ECD: variants seen among roughly 807,000 people sequenced by gnomAD.
ECD encodes ecdysoneless cell cycle regulator, also known as protein ecdysoneless homolog.
In ECD, 59 loss-of-function variants were observed where a neutral mutation model predicts 77.2. The ratio of observed to expected loss-of-function variants is 0.76; its 90% CI spans 0.62 to 0.95. The LOEUF (loss-of-function observed/expected upper bound fraction) is 0.95, where lower values mean the gene tolerates loss of function less well. Among genes scored for constraint, ECD ranks in the 40% least tolerant of loss-of-function variants. ECD has a pLI of 0.00. For missense variants in ECD, 704 were observed against 763.4 expected (o/e 0.92, Z 0.92); for synonymous variants, 233 against 267.4 (o/e 0.87, Z 1.26).
Position 73,134,455 on chromosome 10 carries a change from TG to T in ECD, c.*127del. ...CCAAGAGGGCCACATTTGGGGCTCA[TG>T]GAGAAGTCAATCTGTAAAACTTGTA... On this transcript the variant is annotated 3_prime_UTR_variant, in exon 14 of 14. Coordinates refer to ENST00000372979, the MANE Select transcript of ECD (RefSeq NM_007265.3). 1.1e-6 allele frequency: 1 copy of T among 901,798 alleles called. No homozygotes were observed. Among genetic ancestry groups the T allele is most frequent in the Non-Finnish European group, 1.7e-6 (1 of 602,440 alleles). 55.9% of individuals were successfully genotyped at this position (901,798 alleles called of 1,614,324 possible). A position where few individuals can be genotyped will look rare whatever the true frequency, so the allele number is the denominator to read the frequency against.
chr10:73,139,298 A>T lies in ECD; in HGVS notation c.1421+11T>A. The T allele has an allele frequency of 3.1e-6, 5 of 1,596,572 alleles. No homozygotes were observed. Among genetic ancestry groups the T allele is most frequent in the Non-Finnish European group, 4.3e-6 (5 of 1,175,138 alleles). On this transcript the variant is annotated intron_variant, in intron 11 of 13. Coordinates refer to ENST00000372979, the MANE Select transcript of ECD (RefSeq NM_007265.3). ...TAGCTATTTATATATTTATACTTTAACACAAATTACCGAGGCAGCTCTGCT... is the reference window on the plus strand; with the variant it reads ...TAGCTATTTATATATTTATACTTTATCACAAATTACCGAGGCAGCTCTGCT...
At chr10:73,153,505 G>C (rs1406400576) in intron 6 of ECD, among the ~76,000 whole-genome samples, 1 of 151,686 alleles carries the variant, frequency 6.6e-6, no homozygotes, top group Admixed American at 6.6e-5. Context: ...GGGAGGCTGA[G>C]GTGGGTGAAT....
Position 73,148,539 on chromosome 10 carries a change from C to T in ECD, c.913-135G>A, listed in dbSNP as rs960272733. 4 of 899,134 alleles carry T rather than the reference C, an allele frequency of 4.4e-6. No homozygotes were observed. In the African/African-American group the frequency reaches 5.1e-5, roughly 12 times the overall value. 55.7% of individuals were successfully genotyped at this position (899,134 alleles called of 1,614,324 possible). On this transcript the variant is annotated intron_variant, in intron 7 of 13. Coordinates refer to ENST00000372979, the MANE Select transcript of ECD (RefSeq NM_007265.3). ...TACATGGGCATTTGGACAATTATAA[C>T]ACTTTTTGAATTTTATGAAAAATAT...
chr10:73,140,717 A>C (rs963888644), intron 9 of ECD, among the ~76,000 whole-genome samples: 2 of 135,216 alleles, frequency 1.5e-5, no homozygotes, highest in African/African-American at 5.5e-5. Flanking sequence ...GGAGGATAGA[A>C]GCTCAGAGAT....
intron 12 of ECD, 64 bp downstream of exon 12, chr10:73,137,939 G>T: frequency 7.8e-7 from 1 of 1,280,436 alleles, no homozygotes; most frequent in Non-Finnish European, 1.1e-6. Context: ...ATAAACCAAT[G>T]CTCTAGCAAC....
intron 1 of ECD, 45 bp from the exon 2 acceptor site, chr10:73,163,995 A>C: frequency 6.5e-7 from 1 of 1,531,558 alleles, no homozygotes. Context: ...AACAATGCAG[A>C]AGTAACATCT....
At chr10:73,147,300 C>G (rs1843143248) in intron 8 of ECD, among the ~76,000 whole-genome samples, 1 of 152,068 alleles carries the variant, frequency 6.6e-6, no homozygotes, top group Non-Finnish European at 1.5e-5. Flanking sequence ...GTAATCCCAG[C>G]ACTTTGGGAG....
intron 1 of ECD, among the ~76,000 whole-genome samples, chr10:73,165,801 T>TAA (rs60180525): frequency 6.6e-6 from 1 of 151,880 alleles, no homozygotes; most frequent in African/African-American, 2.4e-5. Flanking sequence ...TTATTTTTAT[T>TAA]AAAAAAATTT....
chr10:73,163,104 C>T (rs951248038), intron 2 of ECD, among the ~76,000 whole-genome samples: 3 of 152,104 alleles, frequency 2.0e-5, no homozygotes, highest in South Asian at 2.1e-4. Context: ...TAGACCTGTC[C>T]GAGTCATTCT....
intron 9 of ECD, 44 bp from the exon 10 acceptor site, chr10:73,139,781 T>C (rs1843028406): frequency 3.8e-6 from 5 of 1,323,312 alleles, no homozygotes; most frequent in South Asian, 1.3e-5. Flanking sequence ...TAAGAGAACA[T>C]AGAATAGTAA....
At chr10:73,151,416 T>C (rs1162387710) in intron 7 of ECD, among the ~76,000 whole-genome samples, 1 of 149,272 alleles carries the variant, frequency 6.7e-6, no homozygotes, top group Admixed American at 6.7e-5. Context: ...TTAGGAGATA[T>C]ATCTAATATA....
In ECD at chr10:73,134,319, C is replaced by T; in HGVS notation, c.*264G>A. 2 of 414,692 alleles carry T rather than the reference C, an allele frequency of 4.8e-6. No individual in the cohort carries two copies. Among genetic ancestry groups the T allele is most frequent in the Non-Finnish European group, 8.7e-6 (2 of 229,622 alleles). The allele number at this position is 414,692 out of a possible 1,614,324, so 25.7% of individuals were successfully genotyped here. A position where few individuals can be genotyped will look rare whatever the true frequency, so the allele number is the denominator to read the frequency against. The stretch of plus-strand genomic sequence containing the variant: ...AAGGGTATATTGTGGTAGGGTATGT[C>T]TTTAGCATGAAGTGTGTGAATTTCA... On this transcript the variant is annotated 3_prime_UTR_variant, in exon 14 of 14. Coordinates refer to ENST00000372979, the MANE Select transcript of ECD (RefSeq NM_007265.3).
At chr10:73,137,497 C>T (rs909937111) in intron 12 of ECD, among the ~76,000 whole-genome samples, 4 of 152,132 alleles carry the variant, frequency 2.6e-5, no homozygotes, top group South Asian at 2.1e-4. Context: ...TTAATGAGGC[C>T]GGGCACGGTG....
chr10:73,137,943 T>C (rs908805665), intron 12 of ECD, 60 bp downstream of exon 12: 6 of 1,326,472 alleles, frequency 4.5e-6, no homozygotes, highest in Admixed American at 2.6e-5. Context: ...ACCAATGCTC[T>C]AGCAACAGCC....
chr10:73,142,625 T>G (rs1589681916), intron 9 of ECD, among the ~76,000 whole-genome samples: 1 of 109,706 alleles, frequency 9.1e-6, no homozygotes, highest in African/African-American at 4.0e-5. Flanking sequence ...AGAGAGAGAC[T>G]CCATCTCAAA....
At position 73,136,745 on chromosome 10, in the gene ECD, G is replaced by A. The variant is rs1289274506; in HGVS notation, c.1663C>T (p.His555Tyr). ...YMAQMDQELA[H>Y]TCISKSFTTR... is the part of the protein sequence containing the mutation. ...GTGAAACTTTTGCTGATGCAGGTGT[G>A]TGCTAGTTCCTGGTCCATCTGGGCC... Residue 555 changes from histidine to tyrosine, a missense_variant, in exon 13 of 14, where the codon CAC becomes TAC. Physicochemically the swap from His to Tyr is moderately conservative, Grantham distance 83. This residue lies in a region of ECD where 142 missense variants were observed against 163.6 expected (regional missense o/e 0.87). Transcript: ENST00000372979. 3 of 1,614,052 alleles carry A rather than the reference G, an allele frequency of 1.9e-6. No individual in the cohort carries two copies. The South Asian group carries it at 3.3e-5, about 18-fold the overall frequency.
chr10:73,152,263 A>G, intron 7 of ECD, 30 bp downstream of exon 7: 1 of 1,605,200 alleles, frequency 6.2e-7, no homozygotes, highest in South Asian at 1.1e-5. Context: ...ACATAAAGAA[A>G]GGAAACAACA....
intron 12 of ECD, 67 bp from the exon 13 acceptor site, chr10:73,136,985 A>ATTTTTT (rs35239384): frequency 1.1e-5 from 7 of 635,126 alleles, no homozygotes; most frequent in Non-Finnish European, 1.5e-5. Context: ...TATTATTATT[A>ATTTTTT]TTTAGTTACT....
intron 8 of ECD, among the ~76,000 whole-genome samples, chr10:73,147,656 G>C (rs1041862287): frequency 6.6e-6 from 1 of 151,854 alleles, no homozygotes; most frequent in East Asian, 1.9e-4. Context: ...CCACTTCTTG[G>C]ATATTTCCTT....
Sources: allele counts gnomAD v4.1 joint callset (sites outside exome capture counted in the v4.1 genomes callset), GRCh38; gene constraint gnomAD v4.1.1; regional missense constraint gnomAD v4.1.1; transcripts MANE v1.5; gene names NCBI Gene and HGNC (gene_info 2026-07-23, HGNC 2026-07-21).